The following VAV2 variants were observed in gnomAD, a reference collection of about 807,000 sequenced individuals.
VAV2 encodes the protein vav guanine nucleotide exchange factor 2.
In VAV2, 67 loss-of-function variants were observed where a neutral mutation model predicts 132.5. The observed-to-expected ratio is 0.51, with a 90% CI of 0.42 to 0.62. The LOEUF is 0.62. Among genes scored for constraint, VAV2 ranks in the 20% least tolerant of loss-of-function variants. The probability of loss-of-function intolerance (pLI) is 0.00; values close to 1 mark genes in which losing one functional copy is unlikely to be tolerated. For synonymous variants in VAV2, 492 were observed against 443.5 expected (o/e 1.11, Z -1.37); for missense variants, 938 against 1,153.6 (o/e 0.81, Z 2.71).
At chr9:133,774,606 C>T (rs1366067440) in intron 25 of VAV2, among the ~76,000 whole-genome samples, 1 of 152,182 alleles carries the variant, frequency 6.6e-6, no homozygotes, top group Non-Finnish European at 1.5e-5. Flanking sequence ...CTGGGAAATC[C>T]CTGAGCTCAC....
chr9:133,944,595 A>C (rs1279956411), intron 1 of VAV2, among the ~76,000 whole-genome samples: 2 of 152,220 alleles, frequency 1.3e-5, no homozygotes, highest in Non-Finnish European at 2.9e-5. Context: ...CCCACTGCAC[A>C]GACAGACAAC....
chr9:133,842,986 C>A (rs1836785041), intron 3 of VAV2, among the ~76,000 whole-genome samples: 1 of 152,216 alleles, frequency 6.6e-6, no homozygotes, highest in East Asian at 1.9e-4. Context: ...GGCCTTGAAG[C>A]ACCAGGGCTT....
At chr9:133,772,135 C>A in intron 25 of VAV2, 89 bp from the exon 26 acceptor site, 1 of 1,184,688 alleles carries the variant, frequency 8.4e-7, no homozygotes, top group Non-Finnish European at 1.2e-6. Flanking sequence ...GTGTTTGCTG[C>A]AGCAAAGCCC....
At chr9:133,914,733 AGGAG>A (rs1840002825) in intron 2 of VAV2, among the ~76,000 whole-genome samples, 7 of 3,330 alleles carry the variant, frequency 2.1e-3, no homozygotes, top group South Asian at 0.024. Flanking sequence ...CGGGAGGGGG[AGGAG>A]AGGGAAGGGG....
rs537060711 is a variant in VAV2 at position 133,881,616 on chromosome 9, C to A, written c.322-20184G>T. 1.2e-4 allele frequency among the ~76,000 whole-genome samples: 19 copies of A among 152,338 alleles called. No homozygotes were observed. The East Asian group carries it at 3.5e-3, about 28-fold the overall frequency. ...GGCCTGAGATCCATGGTGGGCCTGG[C>A]AGCCAGCCACTGGAAACCGCCGAGG... On this transcript the variant is annotated intron_variant, in intron 2 of 29. Transcript: ENST00000371850.
chr9:133,813,738 G>A (rs1014109311), intron 4 of VAV2, among the ~76,000 whole-genome samples: 6 of 152,198 alleles, frequency 3.9e-5, no homozygotes, highest in African/African-American at 9.6e-5. Context: ...GATGAAAGCC[G>A]GTCAGAGGAG....
chr9:133,867,658 G>C lies in VAV2; in HGVS notation c.322-6226C>G, dbSNP rs537576030. Among the ~76,000 whole-genome samples, 5 of 152,228 alleles carry C rather than the reference G, an allele frequency of 3.3e-5. No homozygotes were observed. The South Asian group carries it at 1.0e-3, about 31-fold the overall frequency. On this transcript the variant is annotated intron_variant, in intron 2 of 29. Coordinates refer to ENST00000371850, the MANE Select transcript of VAV2 (RefSeq NM_001134398.2). ...AGCAGCCAATGGCTTTCAGTGCCCC[G>C]CAAGCCCTGTGCAGTGCTAGACCTG...
chr9:133,836,251 G>A (rs1026786873), intron 3 of VAV2, among the ~76,000 whole-genome samples: 1 of 152,306 alleles, frequency 6.6e-6, no homozygotes, highest in East Asian at 1.9e-4. Flanking sequence ...AGGAGCACGT[G>A]GGGGGCCAGG....
At chr9:133,929,337 C>A (rs1184837786) in intron 2 of VAV2, among the ~76,000 whole-genome samples, 1 of 152,074 alleles carries the variant, frequency 6.6e-6, no homozygotes, top group African/African-American at 2.4e-5. Flanking sequence ...AACCGGGGAG[C>A]AGATGGGAAG....
At chr9:133,950,373 C>A (rs535210635) in intron 1 of VAV2, among the ~76,000 whole-genome samples, 1 of 152,248 alleles carries the variant, frequency 6.6e-6, no homozygotes, top group South Asian at 2.1e-4. Context: ...ATAAGAGGCA[C>A]CTACTGCATG....
At chr9:133,859,452 AG>A (rs1266542143) in intron 3 of VAV2, among the ~76,000 whole-genome samples, 1 of 152,226 alleles carries the variant, frequency 6.6e-6, no homozygotes, top group African/African-American at 2.4e-5. Context: ...TTGCCTCCCC[AG>A]GAACAGAATC....
At chr9:133,799,401 G>A (rs1834845253) in intron 9 of VAV2, among the ~76,000 whole-genome samples, 1 of 152,210 alleles carries the variant, frequency 6.6e-6, no homozygotes, top group South Asian at 2.1e-4. Flanking sequence ...CAAGCCTGCA[G>A]GGACACCTCT....
At position 133,833,661 on chromosome 9, in the gene VAV2, G is replaced by A. The variant is rs949022197; in HGVS notation, c.449+611C>T. Among the ~76,000 whole-genome samples, 1 of 152,042 alleles carries A rather than the reference G, an allele frequency of 6.6e-6. No homozygotes were observed. Among genetic ancestry groups the A allele is most frequent in the Admixed American group, 6.5e-5 (1 of 15,274 alleles). ...GAGCGGGCCACGTGATCCCACCCTG[G>A]TCACAGATTCCCACGGTCCCGATGG... On this transcript the variant is annotated intron_variant, in intron 4 of 29. Transcript: ENST00000371850. This position sits in a 1 kb window ranked among gnomAD's most constrained non-coding sequence, Gnocchi z 5.6.
rs753769088 is a variant in VAV2 at position 133,810,221 on chromosome 9, A to G, written c.553-16T>C. ...TGTATCTAATCTGCAAGCGTGGAGAAAGAACCAGAAACAGCGCCGGTTAGC... is the reference window on the plus strand; with the variant it reads ...TGTATCTAATCTGCAAGCGTGGAGAGAGAACCAGAAACAGCGCCGGTTAGC... On this transcript the variant is annotated splice_polypyrimidine_tract_variant and intron_variant, in intron 5 of 29. Transcript: ENST00000371850. 6.2e-6 allele frequency: 10 copies of G among 1,613,288 alleles called. No homozygotes were observed. The highest frequency in any genetic ancestry group is 5.0e-5 in the Admixed American group (3 of 59,978).
intron 3 of VAV2, among the ~76,000 whole-genome samples, chr9:133,846,839 C>T (rs1041158671): frequency 6.6e-6 from 1 of 152,242 alleles, no homozygotes; most frequent in African/African-American, 2.4e-5. Context: ...TGAGAGGGAG[C>T]GACTTGTCCG....
At position 133,802,030 on chromosome 9, in the gene VAV2, A is replaced by G. The variant is rs10993805; in HGVS notation, c.836+4051T>C. Among the ~76,000 whole-genome samples, 6,154 of 151,664 alleles carry G rather than the reference A, an allele frequency of 0.041. 145 individuals are homozygous for G. Among genetic ancestry groups the G allele is most frequent in the Middle Eastern group, 0.088 (26 of 294 alleles). ...CCAGGTCACTCACACAGACGCCTTCACCCTCCGTCCACACCACAGGACTCT... is the reference window on the plus strand; with the variant it reads ...CCAGGTCACTCACACAGACGCCTTCGCCCTCCGTCCACACCACAGGACTCT... On this transcript the variant is annotated intron_variant, in intron 9 of 29. Transcript: ENST00000371850. The surrounding 1 kb of genome is among the most constrained non-coding windows in gnomAD (Gnocchi z 5.8).
chr9:133,866,664 G>C (rs1837812529), intron 2 of VAV2, among the ~76,000 whole-genome samples: 1 of 152,080 alleles, frequency 6.6e-6, no homozygotes, highest in Non-Finnish European at 1.5e-5. Context: ...AAATTAGCCG[G>C]GCGTGGTGGC....
chr9:133,903,345 C>G (rs1240213632), intron 2 of VAV2, among the ~76,000 whole-genome samples: 1 of 152,186 alleles, frequency 6.6e-6, no homozygotes, highest in Non-Finnish European at 1.5e-5. Context: ...CTACCCCACG[C>G]TGGGTGGTGC....
rs551563589 is a variant in VAV2, at chr9:133,875,129, C to T, written c.322-13697G>A. 1.7e-3 allele frequency among the ~76,000 whole-genome samples: 254 copies of T among 152,368 alleles called. 1 individual carries two copies. Among genetic ancestry groups the T allele is most frequent in the Admixed American group, 2.7e-3 (42 of 15,312 alleles). ...GCGCTTCACGGGATCACCTGCGTTT[C>T]TTTCACTGCCCCCAAGCTCTGAACT... On this transcript the variant is annotated intron_variant, in intron 2 of 29. Coordinates refer to ENST00000371850, the MANE Select transcript of VAV2 (RefSeq NM_001134398.2).
Sources: gnomAD v4.1 joint callset for allele counts (sites outside exome capture counted in the v4.1 genomes callset) on GRCh38, gnomAD v4.1.1 for gene constraint, Gnocchi (gnomAD v3.1) non-coding constraint, MANE v1.5 for transcripts, NCBI Gene and HGNC (gene_info 2026-07-23, HGNC 2026-07-21) for gene names.